Variants in FANCC observed in about 807,000 individuals in gnomAD.
The protein encoded by FANCC is FA complementation group C, also known as Fanconi anemia group C protein.
FANCC carries 55 observed loss-of-function variants against 71.3 expected under a neutral mutation model. The ratio of observed to expected loss-of-function variants is 0.77; its 90% confidence interval spans 0.62 to 0.97. The LOEUF (loss-of-function observed/expected upper bound fraction) is 0.97, where lower values mean the gene tolerates loss of function less well. FANCC is among the 50% of genes least tolerant of loss of function. The pLI is 0.00. For missense variants in FANCC, 678 were observed against 670.9 expected, an observed-to-expected ratio of 1.01 and a Z score of -0.12; for synonymous variants, 275 against 244.9, an observed-to-expected ratio of 1.12 and a Z score of -1.15.
At chr9:95,105,129 C>G (rs918121492) in intron 14 of FANCC, among the ~76,000 whole-genome samples, 2 of 152,228 alleles carry the variant, frequency 1.3e-5, no homozygotes, top group Admixed American at 6.5e-5. Flanking sequence ...CTGGGCCACC[C>G]TCATGACTCG....
At chr9:95,266,366 T>C (rs368351156) in intron 1 of FANCC, among the ~76,000 whole-genome samples, 11 of 152,340 alleles carry the variant, frequency 7.2e-5, no homozygotes, top group East Asian at 5.8e-4. Context: ...GGACTAACCA[T>C]GTAGGGCTTG....
intron 8 of FANCC, among the ~76,000 whole-genome samples, chr9:95,133,720 A>G (rs1827237645): frequency 6.6e-6 from 1 of 152,250 alleles, no homozygotes; most frequent in African/African-American, 2.4e-5. Flanking sequence ...GCACCCTGGA[A>G]GCAAGCATAT....
At position 95,249,382 on chromosome 9, in the gene FANCC, GAACA is replaced by G. The variant is rs1064795929; in HGVS notation, c.-78-17_-78-14del. ...GCACACATTAAATCTGTAAGAAAGG[GAACA>G]AATAGAAGCATTTCTAAAAGGCTCT... On this transcript the variant is annotated splice_polypyrimidine_tract_variant and intron_variant, in intron 1 of 14. Transcript: ENST00000289081. The G allele has an allele frequency of 6.2e-6, 8 of 1,280,232 alleles. No homozygotes were observed. The African/African-American group carries it at 1.2e-4, about 19-fold the overall frequency. 79.3% of individuals were successfully genotyped at this position (1,280,232 alleles called of 1,614,324 possible).
At chr9:95,304,749 CAAAAAAAAAAA>C (rs35105777) in intron 1 of FANCC, among the ~76,000 whole-genome samples, 27 of 44,500 alleles carry the variant, frequency 6.1e-4, no homozygotes, top group Admixed American at 7.3e-4. Context: ...GACTCTATCT[CAAAAAAAAAAA>C]AAAAAAAAAA....
intron 1 of FANCC, among the ~76,000 whole-genome samples, chr9:95,314,919 T>C (rs899968960): frequency 6.6e-6 from 1 of 152,038 alleles, no homozygotes; most frequent in Non-Finnish European, 1.5e-5. Flanking sequence ...ACAAAGTCTA[T>C]CACAGCACGG....
At chr9:95,187,001 C>CA (rs1826768842) in intron 4 of FANCC, among the ~76,000 whole-genome samples, 1 of 152,168 alleles carries the variant, frequency 6.6e-6, no homozygotes, top group African/African-American at 2.4e-5. Flanking sequence ...CACATGGTCT[C>CA]AAACTCCTTA....
intron 1 of FANCC, among the ~76,000 whole-genome samples, chr9:95,257,441 T>C (rs1167424298): frequency 6.6e-6 from 1 of 152,066 alleles, no homozygotes; most frequent in East Asian, 1.9e-4. Flanking sequence ...ACTGGGTAAA[T>C]AATGAAATGA....
chr9:95,225,113 C>A (rs1201622066), intron 4 of FANCC, among the ~76,000 whole-genome samples: 4 of 152,158 alleles, frequency 2.6e-5, no homozygotes, highest in Admixed American at 6.5e-5. Flanking sequence ...CTCACAATGA[C>A]TGGATCCTGG....
intron 4 of FANCC, among the ~76,000 whole-genome samples, chr9:95,220,469 A>T (rs1012748974): frequency 6.6e-6 from 1 of 152,230 alleles, no homozygotes; most frequent in African/African-American, 2.4e-5. Context: ...GAACCAACCC[A>T]AATGTCCAAC....
intron 4 of FANCC, among the ~76,000 whole-genome samples, chr9:95,213,130 A>G (rs542592253): frequency 1.3e-5 from 2 of 152,330 alleles, no homozygotes; most frequent in African/African-American, 4.8e-5. Context: ...ACTGGGTTAA[A>G]TAAAATATTT....
chr9:95,198,886 C>T (rs1424638331), intron 4 of FANCC, among the ~76,000 whole-genome samples: 2 of 151,808 alleles, frequency 1.3e-5, no homozygotes, highest in Non-Finnish European at 1.5e-5. Flanking sequence ...AACAGGTGTG[C>T]GCCAGCATAC....
At chr9:95,210,017 G>A (rs1282237090) in intron 4 of FANCC, among the ~76,000 whole-genome samples, 2 of 152,088 alleles carry the variant, frequency 1.3e-5, no homozygotes, top group African/African-American at 2.4e-5. Flanking sequence ...TGGTACAAAT[G>A]AATGCACACG....
At chr9:95,114,891 G>A (rs2072261543) in intron 11 of FANCC, among the ~76,000 whole-genome samples, 181 bp from the exon 12 acceptor site, 1 of 152,146 alleles carries the variant, frequency 6.6e-6, no homozygotes, top group African/African-American at 2.4e-5. Flanking sequence ...GGGGAAGTAA[G>A]ATCTGTCCAT....
chr9:95,268,959 T>C (rs185952941), intron 1 of FANCC, among the ~76,000 whole-genome samples: 1 of 152,304 alleles, frequency 6.6e-6, no homozygotes, highest in Admixed American at 6.5e-5. Flanking sequence ...CACCACCTAC[T>C]GAGTTCCAAG....
intron 4 of FANCC, among the ~76,000 whole-genome samples, chr9:95,214,694 C>T (rs1476706306): frequency 6.6e-6 from 1 of 152,170 alleles, no homozygotes; most frequent in African/African-American, 2.4e-5. Context: ...GAAATTCTGA[C>T]TTACGTTAGA....
intron 4 of FANCC, among the ~76,000 whole-genome samples, chr9:95,217,378 G>A (rs1428144533): frequency 3.3e-5 from 5 of 151,798 alleles, no homozygotes; most frequent in African/African-American, 7.3e-5. Flanking sequence ...CCAGCTACTC[G>A]GGAGGCTGAG....
chr9:95,290,182 A>G (rs1362892568), intron 1 of FANCC, among the ~76,000 whole-genome samples: 1 of 152,152 alleles, frequency 6.6e-6, no homozygotes, highest in Non-Finnish European at 1.5e-5. Flanking sequence ...AAAACCATAT[A>G]AAACCCCATT....
At chr9:95,164,838 GA>G (rs1456278286) in intron 6 of FANCC, among the ~76,000 whole-genome samples, 2 of 152,012 alleles carry the variant, frequency 1.3e-5, no homozygotes, top group Non-Finnish European at 2.9e-5. Context: ...CAATATTTTG[GA>G]AGACTTTAAG....
At chr9:95,278,072 G>A (rs564126308) in intron 1 of FANCC, among the ~76,000 whole-genome samples, 2 of 152,098 alleles carry the variant, frequency 1.3e-5, no homozygotes, top group East Asian at 3.9e-4. Context: ...CATATAGAAA[G>A]GAATAAGATA....
Sources: gnomAD v4.1 joint callset for allele counts (sites outside exome capture counted in the v4.1 genomes callset) on GRCh38, gnomAD v4.1.1 for gene constraint, MANE v1.5 for transcripts, NCBI Gene and HGNC (gene_info 2026-07-23, HGNC 2026-07-21) for gene names.